PCDH15: variants seen among roughly 807,000 people sequenced by gnomAD.
The protein encoded by PCDH15 is protocadherin related 15, also known as protocadherin-15.
A neutral mutation model predicts 178.5 loss-of-function variants in PCDH15; 129 were observed. That is an observed-to-expected ratio of 0.72 (90% CI 0.63 to 0.84). PCDH15 has a LOEUF of 0.84. Ranked by LOEUF, PCDH15 falls within the 40% of genes least tolerant of loss-of-function variation. The pLI is 0.00. For missense variants in PCDH15, 2,230 were observed against 2,099.9 expected (o/e 1.06, Z -1.21); for synonymous variants, 800 against 732.0 (o/e 1.09, Z -1.50).
chr10:53,806,729 C>T lies in PCDH15; in HGVS notation c.5073G>A (p.Arg1691=), dbSNP rs768702894. ...ACTCCTGTTCAACTGTGCTTTTCAGCCTGTTCCTTAGTGGCTTCACCGCTG... is the reference window on the plus strand; with the variant it reads ...ACTCCTGTTCAACTGTGCTTTTCAGTCTGTTCCTTAGTGGCTTCACCGCTG... ...DNTAVKPLRN[R]LKSTVEQESM... The change falls in exon 38 of 38, where the codon AGG becomes AGA. Residue 1691 remains arginine, a synonymous_variant. Coordinates refer to ENST00000644397, the MANE Select transcript of PCDH15 (RefSeq NM_001384140.1). 1 of 1,613,812 alleles carries T rather than the reference C, an allele frequency of 6.2e-7. No individual in the cohort carries two copies. The highest frequency in any genetic ancestry group is 2.2e-5 in the East Asian group (1 of 44,872).
At chr10:55,536,774 C>G (rs1233394620) in intron 2 of PCDH15, among the ~76,000 whole-genome samples, 1 of 152,084 alleles carries the variant, frequency 6.6e-6, no homozygotes, top group Non-Finnish European at 1.5e-5. Flanking sequence ...TTGCCCAACA[C>G]AAAATTTATC....
At chr10:55,601,946 A>G (rs893973447) in intron 2 of PCDH15, among the ~76,000 whole-genome samples, 1 of 152,218 alleles carries the variant, frequency 6.6e-6, no homozygotes, top group South Asian at 2.1e-4. Context: ...GACGCAGAAG[A>G]CGGGTGATTT....
rs567869006 is a variant in PCDH15 at position 54,184,707 on chromosome 10, G to A, written c.1440+427C>T. ...CTTCACAATTGTGACAAACAAAAAT[G>A]CCTCCAGATGTTGCTAAATGTTCAC... On this transcript the variant is annotated intron_variant, in intron 12 of 37. Transcript: ENST00000644397. 9.2e-5 allele frequency among the ~76,000 whole-genome samples: 14 copies of A among 151,710 alleles called. No homozygotes were observed. In the East Asian group the frequency reaches 2.5e-3, roughly 27 times the overall value.
At chr10:55,475,653 A>T (rs1056501129) in intron 2 of PCDH15, among the ~76,000 whole-genome samples, 5 of 152,164 alleles carry the variant, frequency 3.3e-5, no homozygotes, top group African/African-American at 1.2e-4. Flanking sequence ...TGTGTATAAA[A>T]GGTGTAAGTG....
chr10:54,510,349 A>G (rs1565458905), intron 3 of PCDH15, among the ~76,000 whole-genome samples: 1 of 152,180 alleles, frequency 6.6e-6, no homozygotes, highest in Non-Finnish European at 1.5e-5. Flanking sequence ...GGCTGACAGT[A>G]CTTGAACATA....
intron 2 of PCDH15, among the ~76,000 whole-genome samples, chr10:54,545,537 T>C (rs929846681): frequency 5.9e-5 from 9 of 151,360 alleles, no homozygotes; most frequent in Non-Finnish European, 1.0e-4. Flanking sequence ...TGTTTCTATA[T>C]AAAGAAAGAA....
intron 1 of PCDH15, among the ~76,000 whole-genome samples, chr10:55,233,131 A>G (rs1841273832): frequency 2.0e-5 from 3 of 152,270 alleles, no homozygotes; most frequent in Admixed American, 2.0e-4. Flanking sequence ...AGATAAAAAT[A>G]TGGTATCTAT....
intron 5 of PCDH15, among the ~76,000 whole-genome samples, chr10:54,357,886 C>T (rs545238531): frequency 0.018 from 2,665 of 152,020 alleles, 80 homozygotes; most frequent in African/African-American, 0.061. Flanking sequence ...TGATCTTTGA[C>T]AAACCTGACA....
At chr10:53,988,046 C>G (rs1330486912) in intron 21 of PCDH15, among the ~76,000 whole-genome samples, 1 of 152,124 alleles carries the variant, frequency 6.6e-6, no homozygotes, top group Non-Finnish European at 1.5e-5. Context: ...CTTTTTTAAG[C>G]TCTTAGTCTG....
chr10:55,207,828 G>A (rs534005548), intron 1 of PCDH15, among the ~76,000 whole-genome samples: 1 of 152,132 alleles, frequency 6.6e-6, no homozygotes, highest in Admixed American at 6.5e-5. Context: ...AATTAGCTGG[G>A]CGTGGTGGCA....
At chr10:54,818,317 A>G (rs1952979790) in intron 3 of PCDH15, among the ~76,000 whole-genome samples, 1 of 152,066 alleles carries the variant, frequency 6.6e-6, no homozygotes, top group Non-Finnish European at 1.5e-5. Context: ...ATGATTGCAA[A>G]TTGTGGCAAA....
intron 17 of PCDH15, among the ~76,000 whole-genome samples, chr10:54,069,226 A>G (rs1565176990): frequency 6.6e-6 from 1 of 152,118 alleles, no homozygotes; most frequent in Non-Finnish European, 1.5e-5. Context: ...CTTTTCTTCA[A>G]ATTGCCTGAC....
intron 3 of PCDH15, among the ~76,000 whole-genome samples, chr10:54,516,890 A>G (rs1228398607): frequency 6.6e-6 from 1 of 152,212 alleles, no homozygotes; most frequent in Non-Finnish European, 1.5e-5. Context: ...GCCAGAAGAG[A>G]GTGGGGGCCA....
intron 2 of PCDH15, among the ~76,000 whole-genome samples, chr10:55,135,580 T>C (rs1257406332): frequency 1.5e-5 from 2 of 130,458 alleles, no homozygotes; most frequent in African/African-American, 5.9e-5. Flanking sequence ...CTTTCTTTTT[T>C]TTTTTTTTTT....
At chr10:53,905,047 C>G in intron 25 of PCDH15, 1 of 406,524 alleles carries the variant, frequency 2.5e-6, no homozygotes, top group Non-Finnish European at 5.0e-6. Context: ...CCCTTACCTC[C>G]CAACCCTAAC....
intron 18 of PCDH15, among the ~76,000 whole-genome samples, chr10:54,033,611 A>G (rs1451510289): frequency 2.0e-5 from 3 of 151,978 alleles, no homozygotes; most frequent in African/African-American, 7.2e-5. Context: ...CTCAATACTC[A>G]TCACTTCTTA....
At chr10:55,356,841 T>G (rs1845093250) in intron 2 of PCDH15, among the ~76,000 whole-genome samples, 1 of 151,980 alleles carries the variant, frequency 6.6e-6, no homozygotes, top group South Asian at 2.1e-4. Flanking sequence ...AAAATTGTAT[T>G]CAGTGTTCTG....
chr10:54,482,914 G>C (rs1426428665), intron 3 of PCDH15, among the ~76,000 whole-genome samples: 2 of 151,786 alleles, frequency 1.3e-5, no homozygotes, highest in African/African-American at 4.8e-5. Flanking sequence ...TATGCAAGGA[G>C]TAAAATATTA....
intron 2 of PCDH15, among the ~76,000 whole-genome samples, chr10:55,339,965 T>TGAAAGA (rs943908759): frequency 5.9e-5 from 9 of 151,720 alleles, no homozygotes; most frequent in Middle Eastern, 6.9e-3. Flanking sequence ...AGTTGTTTTT[T>TGAAAGA]GAAAGAGAAA....
Sources: gnomAD v4.1 joint callset for allele counts (sites outside exome capture counted in the v4.1 genomes callset) on GRCh38, gnomAD v4.1.1 for gene constraint, MANE v1.5 for transcripts, NCBI Gene and HGNC (gene_info 2026-07-23, HGNC 2026-07-21) for gene names.